The following CADM2 variants were observed in gnomAD, a reference collection of about 807,000 sequenced individuals.
CADM2 encodes the protein immunoglobulin superfamily member 4D.
A neutral mutation model predicts 49.8 loss-of-function variants in CADM2; 12 were observed. The ratio of observed to expected loss-of-function variants is 0.24; its 90% confidence interval spans 0.15 to 0.39. The LOEUF (loss-of-function observed/expected upper bound fraction) is 0.39. Ranked by LOEUF, CADM2 falls within the 10% of genes least tolerant of loss-of-function variation. The pLI, the probability that CADM2 is intolerant of heterozygous loss-of-function variation, is 1.00. For synonymous variants in CADM2, 214 were observed against 175.4 expected, an observed-to-expected ratio of 1.22 and a Z score of -1.74; for missense variants, 378 against 492.3, an observed-to-expected ratio of 0.77 and a Z score of 2.20.
intron 1 of CADM2, among the ~76,000 whole-genome samples, chr3:85,226,459 G>C (rs184481471): frequency 6.6e-6 from 1 of 152,124 alleles, no homozygotes; most frequent in African/African-American, 2.4e-5. Flanking sequence ...CTGTGGGACT[G>C]GGGGTGATAT....
intron 6 of CADM2, among the ~76,000 whole-genome samples, chr3:85,921,931 G>C (rs1264216045): frequency 6.6e-6 from 1 of 152,034 alleles, no homozygotes; most frequent in East Asian, 1.9e-4. Context: ...AATTTTGCAG[G>C]ATGTAATCTC....
At chr3:85,035,411 A>C (rs2035172545) in intron 1 of CADM2, among the ~76,000 whole-genome samples, 1 of 152,032 alleles carries the variant, frequency 6.6e-6, no homozygotes, top group Admixed American at 6.6e-5. Flanking sequence ...GCTATGCAGA[A>C]ATTTTTTGAC....
chr3:85,021,133 AG>A (rs1559620930), intron 1 of CADM2, among the ~76,000 whole-genome samples: 2 of 140,850 alleles, frequency 1.4e-5, no homozygotes, highest in Non-Finnish European at 3.1e-5. Context: ...AAAAAAAAAA[AG>A]GGGGAAAAAA....
chr3:85,131,991 T>A (rs1052858305), intron 1 of CADM2, among the ~76,000 whole-genome samples: 5 of 152,090 alleles, frequency 3.3e-5, no homozygotes, highest in Admixed American at 1.3e-4. Context: ...GAAGATGATA[T>A]AACCTATGTC....
At chr3:85,448,752 A>T (rs1174470051) in intron 1 of CADM2, among the ~76,000 whole-genome samples, 1 of 152,036 alleles carries the variant, frequency 6.6e-6, no homozygotes, top group Non-Finnish European at 1.5e-5. Context: ...TCCACTTTTT[A>T]AAAATAATAA....
At chr3:85,549,509 G>C (rs6779559) in intron 1 of CADM2, among the ~76,000 whole-genome samples, 1 of 152,122 alleles carries the variant, frequency 6.6e-6, no homozygotes, top group Non-Finnish European at 1.5e-5. Context: ...GTAAGTGAAT[G>C]ATGAGTAGAT....
chr3:85,198,073 T>A (rs1236920785), intron 1 of CADM2, among the ~76,000 whole-genome samples: 1 of 151,938 alleles, frequency 6.6e-6, no homozygotes, highest in Non-Finnish European at 1.5e-5. Context: ...TAACTCTGCT[T>A]CTTTTTTATA....
At chr3:85,575,529 C>A (rs753855905) in intron 1 of CADM2, among the ~76,000 whole-genome samples, 3 of 151,800 alleles carry the variant, frequency 2.0e-5, no homozygotes, top group Non-Finnish European at 4.4e-5. Flanking sequence ...CCAGCCTGGG[C>A]GACAGAGCGA....
chr3:85,065,070 A>G (rs184750345), intron 1 of CADM2, among the ~76,000 whole-genome samples: 192 of 152,230 alleles, frequency 1.3e-3, no homozygotes, highest in African/African-American at 4.3e-3. Flanking sequence ...CAGGGATTGT[A>G]AAATTTCTTT....
chr3:85,357,376 G>T lies in CADM2; in HGVS notation c.62-369146G>T, dbSNP rs1181653368. 2.0e-5 allele frequency among the ~76,000 whole-genome samples: 3 copies of T among 152,044 alleles called. No homozygotes were observed. In the East Asian group the frequency reaches 5.8e-4, roughly 29 times the overall value. The stretch of plus-strand genomic sequence containing the variant: ...ACCTGACTTTCAAAAAATTATTTCT[G>T]ATTCTTCCACCTAACTTTTACCAAA... On this transcript the variant is annotated intron_variant, in intron 1 of 9. Transcript: ENST00000383699.
intron 1 of CADM2, among the ~76,000 whole-genome samples, chr3:85,346,879 C>CGTAT (rs1469749946): frequency 2.0e-5 from 3 of 151,888 alleles, no homozygotes; most frequent in African/African-American, 7.3e-5. Flanking sequence ...GTTTATACTG[C>CGTAT]GTATGCATTA....
chr3:86,065,894 A>T (rs1212818917), intron 9 of CADM2, among the ~76,000 whole-genome samples, 164 bp downstream of exon 9: 1 of 152,166 alleles, frequency 6.6e-6, no homozygotes, highest in African/African-American at 2.4e-5. Flanking sequence ...TTTTACTTAA[A>T]TTTAAAGTTG....
At chr3:85,520,626 A>C (rs62252460) in intron 1 of CADM2, among the ~76,000 whole-genome samples, 1 of 151,852 alleles carries the variant, frequency 6.6e-6, no homozygotes, top group African/African-American at 2.4e-5. Context: ...GGATGTTTAT[A>C]TAGATTCATC....
chr3:85,989,444 A>T (rs1203945314), intron 8 of CADM2, among the ~76,000 whole-genome samples: 6 of 152,114 alleles, frequency 3.9e-5, no homozygotes. Context: ...AGGGGACCAA[A>T]ATTCAGACCA....
chr3:85,928,253 G>A (rs985396493), intron 6 of CADM2, among the ~76,000 whole-genome samples: 1 of 151,786 alleles, frequency 6.6e-6, no homozygotes, highest in Non-Finnish European at 1.5e-5. Flanking sequence ...CCGCCTCCCG[G>A]GTTCAAGTGA....
intron 3 of CADM2, among the ~76,000 whole-genome samples, chr3:85,872,266 G>GT (rs2075959088): frequency 6.6e-6 from 1 of 152,188 alleles, no homozygotes; most frequent in Non-Finnish European, 1.5e-5. Context: ...AGAGCAGTGT[G>GT]TGTTCAGAGC....
intron 1 of CADM2, among the ~76,000 whole-genome samples, chr3:85,346,798 A>G (rs7612713): frequency 0.017 from 2,574 of 152,316 alleles, 76 homozygotes; most frequent in African/African-American, 0.059. Context: ...ACCCAAATAA[A>G]CTAAATTTGA....
chr3:85,035,199 G>T (rs1037641608), intron 1 of CADM2, among the ~76,000 whole-genome samples: 3 of 152,058 alleles, frequency 2.0e-5, no homozygotes. Flanking sequence ...TCGTCTACCT[G>T]TTTGCCACTT....
chr3:85,934,422 T>A (rs1720956597), intron 6 of CADM2, among the ~76,000 whole-genome samples: 1 of 152,080 alleles, frequency 6.6e-6, no homozygotes, highest in Non-Finnish European at 1.5e-5. Flanking sequence ...ATTCAATTTT[T>A]TTCTTCTATC....
Sources: gnomAD v4.1 joint callset for allele counts (sites outside exome capture counted in the v4.1 genomes callset) on GRCh38, gnomAD v4.1.1 for gene constraint, MANE v1.5 for transcripts, NCBI Gene and HGNC (gene_info 2026-07-23, HGNC 2026-07-21) for gene names.